The following TJP1 variants were observed in gnomAD, a reference collection of about 807,000 sequenced individuals.
The protein encoded by TJP1 is tight junction protein ZO-1.
A neutral mutation model predicts 194.2 loss-of-function variants in TJP1; 43 were observed. The observed-to-expected ratio is 0.22, with a 90% CI of 0.17 to 0.29. TJP1 has a LOEUF of 0.29. Ranked by LOEUF, TJP1 falls within the 10% of genes least tolerant of loss-of-function variation. TJP1 has a pLI of 1.00. For synonymous variants in TJP1, 801 were observed against 779.0 expected (o/e 1.03, Z -0.47); for missense variants, 1,971 against 2,185.7 (o/e 0.90, Z 1.96).
In TJP1 at chr15:29,732,645, A is replaced by G; in HGVS notation, c.1907T>C (p.Val636Ala). The G allele has an allele frequency of 6.2e-7, 1 of 1,613,908 alleles. No individual in the cohort carries two copies. Among genetic ancestry groups the G allele is most frequent in the Non-Finnish European group, 8.5e-7 (1 of 1,179,958 alleles). The change falls in exon 14 of 28, where the codon GTG (valine) becomes GCG (alanine). Residue 636 changes from valine (V) to alanine (A), a missense_variant. Transcript: ENST00000614355. ...VQTKFPAYER[V>A]VLREAGFLRP... The stretch of plus-strand genomic sequence containing the variant: ...AAATAAACTACCTTCTCGAAGAACC[A>G]CTCTTTCATAAGCTGGAAACTTTGT...
At chr15:29,747,588 T>C (rs2044888076) in intron 8 of TJP1, among the ~76,000 whole-genome samples, 1 of 152,192 alleles carries the variant, frequency 6.6e-6, no homozygotes, top group South Asian at 2.1e-4. Context: ...ATTTTAATAG[T>C]TCTACAGATT....
At chr15:29,791,565 C>T (rs1021490912) in intron 2 of TJP1, among the ~76,000 whole-genome samples, 12 of 151,256 alleles carry the variant, frequency 7.9e-5, no homozygotes, top group South Asian at 2.1e-4. Flanking sequence ...GGACTACAGG[C>T]GCCCACCACC....
At chr15:29,946,915 T>C (rs1016761544) in intron 2 of TJP1, among the ~76,000 whole-genome samples, 1 of 152,192 alleles carries the variant, frequency 6.6e-6, no homozygotes, top group African/African-American at 2.4e-5. Flanking sequence ...GAATGAGGGA[T>C]AATTCGGGGA....
chr15:29,942,926 T>G (rs1312685091), intron 2 of TJP1, among the ~76,000 whole-genome samples: 1 of 152,216 alleles, frequency 6.6e-6, no homozygotes, highest in Non-Finnish European at 1.5e-5. Flanking sequence ...GTATTTTGGT[T>G]AATCAACAAT....
At chr15:29,775,359 G>A (rs2046949813) in intron 2 of TJP1, among the ~76,000 whole-genome samples, 1 of 150,728 alleles carries the variant, frequency 6.6e-6, no homozygotes, top group Non-Finnish European at 1.5e-5. Context: ...AGGTTACTAA[G>A]ATCTACAGGG....
intron 1 of TJP1, 66 bp downstream of exon 1, chr15:29,821,936 C>T (rs1451888423): frequency 1.4e-5 from 17 of 1,197,214 alleles, no homozygotes; most frequent in Non-Finnish European, 1.7e-5. Context: ...GGACGCGGGC[C>T]AGATGCCGGT....
At chr15:29,719,443 T>C (rs558589631) in intron 20 of TJP1, among the ~76,000 whole-genome samples, 107 of 152,312 alleles carry the variant, frequency 7.0e-4, no homozygotes, top group Non-Finnish European at 1.4e-3. Flanking sequence ...TGAAAAATCC[T>C]AAAGAAGATT....
rs961132470 is a variant in TJP1, at chr15:29,853,315, T to C, written c.307-52613A>G. On this transcript the variant is annotated intron_variant, in intron 2 of 28. Coordinates refer to the TJP1 transcript ENST00000356107. ...GGCAACATGAGAGAGTCTCCTGGTG[T>C]TGGAAACGTTCCATATCTCAATCCG... 2.6e-5 allele frequency among the ~76,000 whole-genome samples: 4 copies of C among 152,184 alleles called. No homozygotes were observed. The East Asian group carries it at 5.8e-4, about 22-fold the overall frequency.
rs909341466 is a variant in TJP1, at chr15:29,734,185, G to A, written c.1516+89C>T. On this transcript the variant is annotated intron_variant, in intron 12 of 27. Transcript: ENST00000614355. ...AAATTCATTCATCACTCAACTATGA[G>A]TGACTTATTTTTTAAAAATGGAATA... is the stretch of plus-strand genomic sequence containing the variant. The A allele has an allele frequency of 4.6e-6, 4 of 872,574 alleles. No homozygotes were observed. The African/African-American group carries it at 6.9e-5, about 15-fold the overall frequency. The allele number at this position is 872,574 out of a possible 1,614,324, so 54.1% of individuals were successfully genotyped here. A position where few individuals can be genotyped will look rare whatever the true frequency, so the allele number is the denominator to read the frequency against.
chr15:29,806,253 G>A (rs187778987), intron 1 of TJP1, among the ~76,000 whole-genome samples: 2 of 152,224 alleles, frequency 1.3e-5, no homozygotes, highest in East Asian at 3.9e-4. Flanking sequence ...CAAGGACTAA[G>A]ATAACCCTGT....
chr15:29,957,922 C>CT (rs1241391807), intron 1 of TJP1, among the ~76,000 whole-genome samples: 1 of 152,120 alleles, frequency 6.6e-6, no homozygotes, highest in Non-Finnish European at 1.5e-5. Context: ...AACTTTATCA[C>CT]TTTATTATTT....
At chr15:29,778,380 C>A (rs368964331) in intron 2 of TJP1, among the ~76,000 whole-genome samples, 1 of 151,712 alleles carries the variant, frequency 6.6e-6, no homozygotes, top group African/African-American at 2.4e-5. Context: ...CAGCCAGGAA[C>A]GAGAGCTGCA....
intron 25 of TJP1, among the ~76,000 whole-genome samples, chr15:29,706,748 C>A (rs1363983180): frequency 6.6e-6 from 1 of 152,120 alleles, no homozygotes; most frequent in African/African-American, 2.4e-5. Context: ...GCAACCTCCA[C>A]CTCCCAGGTT....
At chr15:29,704,409 GGAGT>G in intron 26 of TJP1, 104 bp from the exon 27 acceptor site, 2 of 1,405,894 alleles carry the variant, frequency 1.4e-6, no homozygotes, top group Non-Finnish European at 1.9e-6. Context: ...AAAGCCTAAT[GGAGT>G]TAGTTCTCTA....
At chr15:29,781,674 T>G (rs1370562021) in intron 2 of TJP1, among the ~76,000 whole-genome samples, 6 of 152,232 alleles carry the variant, frequency 3.9e-5, no homozygotes, top group Non-Finnish European at 8.8e-5. Flanking sequence ...TGCAAATCAT[T>G]AAATGTGATT....
chr15:29,801,114 AT>A (rs2151887536), intron 1 of TJP1, among the ~76,000 whole-genome samples: 1 of 152,368 alleles, frequency 6.6e-6, no homozygotes, highest in Non-Finnish European at 1.5e-5. Flanking sequence ...CACAGTAATT[AT>A]AAATATACAT....
At chr15:29,744,427 AG>A (rs2065834972) in intron 8 of TJP1, among the ~76,000 whole-genome samples, 1 of 152,348 alleles carries the variant, frequency 6.6e-6, no homozygotes, top group Middle Eastern at 3.4e-3. Flanking sequence ...TTCTAGTATC[AG>A]TTTTAGTGGC....
chr15:29,707,706 G>A (rs989465079), intron 25 of TJP1, among the ~76,000 whole-genome samples: 1 of 152,198 alleles, frequency 6.6e-6, no homozygotes, highest in Admixed American at 6.5e-5. Context: ...CTCCAGGTGG[G>A]CTCACTTTGT....
Position 29,742,147 on chromosome 15 carries a change from G to A in TJP1, c.1150+495C>T, listed in dbSNP as rs534357915. Among the ~76,000 whole-genome samples, 114 of 151,960 alleles carry A rather than the reference G, an allele frequency of 7.5e-4. 1 individual carries two copies. Among genetic ancestry groups the A allele is most frequent in the Admixed American group, 2.2e-3 (33 of 15,264 alleles). Reference sequence around the variant, plus strand: ...GTGCGGTGGTGCACACCTGTAATAGGGAGGATCAGGTGGAAAGACAGCTGG... The same window carrying A: ...GTGCGGTGGTGCACACCTGTAATAGAGAGGATCAGGTGGAAAGACAGCTGG... On this transcript the variant is annotated intron_variant, in intron 9 of 27. Coordinates refer to ENST00000614355, the MANE Select transcript of TJP1 (RefSeq NM_001330239.4).
Sources: gnomAD v4.1 joint callset for allele counts (sites outside exome capture counted in the v4.1 genomes callset) on GRCh38, gnomAD v4.1.1 for gene constraint, MANE v1.5 for transcripts, NCBI Gene and HGNC (gene_info 2026-07-23, HGNC 2026-07-21) for gene names.